Variants in SRGAP2 observed in about 807,000 individuals in gnomAD.
The protein encoded by SRGAP2 is SLIT-ROBO Rho GTPase activating protein 2.
A neutral mutation model predicts 57.2 loss-of-function variants in SRGAP2; 15 were observed. The observed-to-expected ratio is 0.26, with a 90% CI of 0.18 to 0.40. The LOEUF (loss-of-function observed/expected upper bound fraction) is 0.40, where lower values mean the gene tolerates loss of function less well. Ranked by LOEUF, SRGAP2 falls within the 10% of genes least tolerant of loss-of-function variation. SRGAP2 has a pLI of 1.00. For synonymous variants in SRGAP2, 249 were observed against 248.0 expected (o/e 1.00, Z -0.04); for missense variants, 520 against 669.6 (o/e 0.78, Z 2.47).
intron 2 of SRGAP2, among the ~76,000 whole-genome samples, chr1:206,283,685 A>C (rs1308215283): frequency 6.6e-6 from 1 of 151,796 alleles, no homozygotes; most frequent in Non-Finnish European, 1.5e-5. Context: ...CAAAAAAAAA[A>C]AAAATGAACT....
At chr1:206,267,342 T>C (rs537934803) in intron 2 of SRGAP2, among the ~76,000 whole-genome samples, 4,008 of 151,724 alleles carry the variant, frequency 0.026, 149 homozygotes, top group African/African-American at 0.092. Flanking sequence ...GCAAATATCT[T>C]TGGCTTTGGG....
intron 15 of SRGAP2, 70 bp from the exon 16 acceptor site, chr1:206,437,894 C>T: frequency 2.6e-6 from 2 of 766,978 alleles, no homozygotes; most frequent in South Asian, 2.8e-5. Flanking sequence ...TCACCCCTTC[C>T]CCACGTTCGT....
At chr1:206,386,867 G>A (rs1277194446) in intron 5 of SRGAP2, among the ~76,000 whole-genome samples, 5 of 150,560 alleles carry the variant, frequency 3.3e-5, no homozygotes, top group African/African-American at 9.8e-5. Context: ...GCTCATGCCC[G>A]TAATCCCAGC....
chr1:206,305,525 AT>A (rs1222917599), intron 3 of SRGAP2, among the ~76,000 whole-genome samples: 2 of 152,206 alleles, frequency 1.3e-5, no homozygotes, highest in African/African-American at 4.8e-5. Context: ...TTCTTACAGC[AT>A]TTTATTTGTT....
chr1:206,460,107 C>T (rs958809241), intron 22 of SRGAP2, among the ~76,000 whole-genome samples: 28 of 152,304 alleles, frequency 1.8e-4, no homozygotes, highest in Admixed American at 1.8e-3. Context: ...AAGCATGCAT[C>T]GGTCTGTACG....
intron 1 of SRGAP2, 151 bp downstream of exon 1, chr1:206,203,801 C>T (rs1553300019): frequency 4.4e-5 from 68 of 1,532,546 alleles, no homozygotes; most frequent in Non-Finnish European, 5.9e-5. Context: ...TCAGACCGCC[C>T]CCCCTCCACC....
At chr1:206,301,327 G>A (rs1553618564) in intron 2 of SRGAP2, among the ~76,000 whole-genome samples, 2 of 151,678 alleles carry the variant, frequency 1.3e-5, no homozygotes, top group African/African-American at 4.9e-5. Context: ...GAGCCACCGC[G>A]CCTGGCACTT....
At position 206,461,474 on chromosome 1, in the gene SRGAP2, T is replaced by TA; in HGVS notation, c.*58dup. ...GGGGACTATAGGGACTGACTGTTAT[T>TA]AAAATCTTCCTATTTAACTAGCTTG... On this transcript the variant is annotated 3_prime_UTR_variant, in exon 23 of 23. Coordinates refer to ENST00000573034, the MANE Select transcript of SRGAP2 (RefSeq NM_015326.5). 1 of 669,734 alleles carries TA rather than the reference T, an allele frequency of 1.5e-6. No homozygotes were observed. Among genetic ancestry groups the TA allele is most frequent in the African/African-American group, 1.8e-5 (1 of 55,766 alleles). The allele number at this position is 669,734 out of a possible 1,614,324, so 41.5% of individuals were successfully genotyped here.
At chr1:206,414,033 C>CT (rs1202216512) in intron 10 of SRGAP2, among the ~76,000 whole-genome samples, 1,622 of 128,898 alleles carry the variant, frequency 0.013, 28 homozygotes, top group East Asian at 0.041. Flanking sequence ...CTTTTTCTTT[C>CT]TTTTTTTTTT....
chr1:206,414,779 T>C (rs868992704), intron 10 of SRGAP2, among the ~76,000 whole-genome samples: 1 of 152,246 alleles, frequency 6.6e-6, no homozygotes, highest in African/African-American at 2.4e-5. Flanking sequence ...TTATCTGTAA[T>C]AAGGAAATAA....
intron 2 of SRGAP2, among the ~76,000 whole-genome samples, chr1:206,237,162 T>C (rs1243098664): frequency 1.3e-5 from 2 of 151,048 alleles, no homozygotes; most frequent in Non-Finnish European, 2.9e-5. Context: ...CTCGGGAGGC[T>C]GAGGCACAAG....
intron 21 of SRGAP2, chr1:206,455,381 C>T: frequency 3.7e-6 from 1 of 272,378 alleles, no homozygotes; most frequent in Non-Finnish European, 7.1e-6. Flanking sequence ...CTCAGAGGTG[C>T]CTTCTTTTTT....
intron 2 of SRGAP2, among the ~76,000 whole-genome samples, chr1:206,272,715 T>G (rs1670194064): frequency 6.6e-6 from 1 of 152,134 alleles, no homozygotes; most frequent in South Asian, 2.1e-4. Context: ...CCCAGCAATT[T>G]TTTTCTTTAG....
chr1:206,350,901 G>A (rs12136762), intron 4 of SRGAP2, among the ~76,000 whole-genome samples: 92,648 of 151,270 alleles, frequency 0.61, 30,290 homozygotes, highest in African/African-American at 0.84. Flanking sequence ...ACTTTTCTCC[G>A]GGGCCTTGGA....
At chr1:206,383,941 G>T in intron 4 of SRGAP2, 73 bp from the exon 5 acceptor site, 2 of 1,283,830 alleles carry the variant, frequency 1.6e-6, no homozygotes, top group Non-Finnish European at 2.2e-6. Context: ...TAGAGCCAGT[G>T]TGGCTTTTGC....
chr1:206,428,998 ATTG>A (rs1661055285), intron 13 of SRGAP2, among the ~76,000 whole-genome samples: 1 of 152,088 alleles, frequency 6.6e-6, no homozygotes, highest in African/African-American at 2.4e-5. Flanking sequence ...ACTCCATAGG[ATTG>A]TTACCAGCAC....
intron 22 of SRGAP2, among the ~76,000 whole-genome samples, chr1:206,459,246 G>C (rs1664073135): frequency 6.6e-6 from 1 of 152,014 alleles, no homozygotes; most frequent in Admixed American, 6.5e-5. Context: ...TATTTTGAAA[G>C]CCCAAGTTTT....
chr1:206,411,168 T>A (rs1659188588), intron 10 of SRGAP2, among the ~76,000 whole-genome samples: 1 of 152,226 alleles, frequency 6.6e-6, no homozygotes, highest in African/African-American at 2.4e-5. Context: ...CCTAAGTATT[T>A]CCTTTTATAG....
chr1:206,348,318 G>A (rs1159474167), intron 4 of SRGAP2, among the ~76,000 whole-genome samples: 2 of 151,026 alleles, frequency 1.3e-5, no homozygotes, highest in Non-Finnish European at 3.0e-5. Context: ...CCAGGGTTTG[G>A]GCAAATATTA....
Sources: allele counts gnomAD v4.1 joint callset (sites outside exome capture counted in the v4.1 genomes callset), GRCh38; gene constraint gnomAD v4.1.1; transcripts MANE v1.5; gene names NCBI Gene and HGNC (gene_info 2026-07-23, HGNC 2026-07-21).